Variants in UHRF2 observed in about 807,000 individuals in gnomAD.
UHRF2 encodes E3 ubiquitin-protein ligase UHRF2.
A neutral mutation model predicts 96.8 loss-of-function variants in UHRF2; 23 were observed. The observed-to-expected ratio is 0.24, with a 90% CI of 0.17 to 0.34. The LOEUF is 0.34. Among genes scored for constraint, UHRF2 ranks in the 10% least tolerant of loss-of-function variants. The pLI, the probability that UHRF2 is intolerant of heterozygous loss-of-function variation, is 1.00. For missense variants in UHRF2, 685 were observed against 981.5 expected, an observed-to-expected ratio of 0.70 and a Z score of 4.04; for synonymous variants, 385 against 332.6, an observed-to-expected ratio of 1.16 and a Z score of -1.72.
chr9:6,478,680 G>A (rs777285552), intron 6 of UHRF2, among the ~76,000 whole-genome samples: 6 of 152,154 alleles, frequency 3.9e-5, no homozygotes, highest in Non-Finnish European at 8.8e-5. Flanking sequence ...TAAGTAAGAC[G>A]GACGACTGAG....
At position 6,497,201 on chromosome 9, in the gene UHRF2, A is replaced by G. The variant is rs765542496; in HGVS notation, c.1608A>G (p.Ala536=). ...ADQTLTNMNR[A]LALNCDAPLD... is the part of the protein sequence containing the mutation. ...AGACTTCTTTGTTGTTTTTTAGGGC[A>G]TTGGCCCTAAACTGTGATGCTCCAT... is the stretch of plus-strand genomic sequence containing the variant. Residue 536 remains alanine (A), a synonymous_variant, in exon 11 of 16, where the codon GCA becomes GCG. Transcript: ENST00000276893. 13 of 1,613,082 alleles carry G rather than the reference A, an allele frequency of 8.1e-6. No individual in the cohort carries two copies. The Admixed American group carries it at 8.4e-5, about 10-fold the overall frequency.
chr9:6,484,025 T>G (rs1473297597), intron 8 of UHRF2, among the ~76,000 whole-genome samples: 1 of 151,994 alleles, frequency 6.6e-6, no homozygotes, highest in Admixed American at 6.6e-5. Context: ...GCAGCCACTT[T>G]AAAATTTTAG....
chr9:6,471,869 A>G (rs74729885), intron 4 of UHRF2, among the ~76,000 whole-genome samples: 3,081 of 152,320 alleles, frequency 0.02, 107 homozygotes, highest in African/African-American at 0.071. Flanking sequence ...CAAACTAAGT[A>G]GGACCAGGAG....
At chr9:6,482,328 A>G (rs147942889) in intron 8 of UHRF2, among the ~76,000 whole-genome samples, 4 of 152,290 alleles carry the variant, frequency 2.6e-5, no homozygotes, top group Admixed American at 2.6e-4. Flanking sequence ...GTTCTGTTAT[A>G]GTTGTGGTAG....
intron 1 of UHRF2, chr9:6,414,261 G>A (rs1819460674): frequency 6.6e-6 from 1 of 152,260 alleles, no homozygotes; most frequent in Non-Finnish European, 1.5e-5. Flanking sequence ...TGTCTCGAGG[G>A]AGGTTAGAGA....
At chr9:6,467,389 C>A (rs1483010474) in intron 4 of UHRF2, among the ~76,000 whole-genome samples, 2 of 152,020 alleles carry the variant, frequency 1.3e-5, no homozygotes, top group African/African-American at 2.4e-5. Context: ...TTTTTATATG[C>A]AAAGTCTTTT....
intron 11 of UHRF2, among the ~76,000 whole-genome samples, chr9:6,497,641 G>A (rs1487151330): frequency 6.6e-6 from 1 of 151,778 alleles, no homozygotes; most frequent in African/African-American, 2.4e-5. Flanking sequence ...ACTGGCTGTT[G>A]TATAACTTGA....
At position 6,428,571 on chromosome 9, in the gene UHRF2, T is replaced by G. The variant is rs13283688; in HGVS notation, c.385-5343T>G. ...TTTTTTTTTTTTTTTTTTTTTTTTT[T>G]GAACGATCTCATTCTGTCACTTGGC... On this transcript the variant is annotated intron_variant, in intron 2 of 15. Transcript: ENST00000276893. Among the ~76,000 whole-genome samples, 12 of 94,042 alleles carry G rather than the reference T, an allele frequency of 1.3e-4. No individual in the cohort carries two copies. The South Asian group carries it at 3.9e-3, about 31-fold the overall frequency. The allele number at this position is 94,042 out of a possible 152,430, so 61.7% of individuals were successfully genotyped here.
At chr9:6,446,984 G>A (rs551537356) in intron 3 of UHRF2, among the ~76,000 whole-genome samples, 1 of 152,198 alleles carries the variant, frequency 6.6e-6, no homozygotes, top group Non-Finnish European at 1.5e-5. Context: ...CGCCTCCCGG[G>A]TTCACGCCAT....
At chr9:6,424,846 C>T (rs1820153835) in intron 2 of UHRF2, among the ~76,000 whole-genome samples, 1 of 151,046 alleles carries the variant, frequency 6.6e-6, no homozygotes. Flanking sequence ...GTAAAATCTC[C>T]CCCTGTTAGG....
Position 6,434,190 on chromosome 9 carries a change from T to C in UHRF2, c.644+17T>C. 6.3e-7 allele frequency: 1 copy of C among 1,593,988 alleles called. No homozygotes were observed. The highest frequency in any genetic ancestry group is 1.1e-5 in the South Asian group (1 of 88,672). On this transcript the variant is annotated intron_variant, in intron 3 of 15. Transcript: ENST00000276893. ...GTATGATGAGTAAGTGCTCAAGCTA[T>C]TGAGGACTTTATTCATATTTTCATT... is the stretch of plus-strand genomic sequence containing the variant.
chr9:6,432,129 A>T (rs1315781995), intron 2 of UHRF2, among the ~76,000 whole-genome samples: 1 of 152,216 alleles, frequency 6.6e-6, no homozygotes, highest in Non-Finnish European at 1.5e-5. Flanking sequence ...TGTAATGTAT[A>T]ACATGCTCCA....
intron 3 of UHRF2, among the ~76,000 whole-genome samples, chr9:6,452,028 A>G (rs1201760240): frequency 6.6e-6 from 1 of 152,058 alleles, no homozygotes; most frequent in Non-Finnish European, 1.5e-5. Context: ...ATATATGTGT[A>G]TTTATACATA....
intron 4 of UHRF2, among the ~76,000 whole-genome samples, chr9:6,470,337 T>C (rs985369194): frequency 2.0e-5 from 3 of 147,554 alleles, no homozygotes; most frequent in Non-Finnish European, 4.5e-5. Context: ...CGTGCCTAGG[T>C]GACAGAGCAA....
intron 9 of UHRF2, among the ~76,000 whole-genome samples, chr9:6,487,187 T>TATTTTTA (rs1563799255): frequency 8.0e-6 from 1 of 125,314 alleles, no homozygotes; most frequent in African/African-American, 3.2e-5. Context: ...TTTTCCTTTT[T>TATTTTTA]TTTTTTTTTT....
intron 3 of UHRF2, among the ~76,000 whole-genome samples, chr9:6,456,881 C>T (rs953136688): frequency 1.1e-4 from 17 of 151,948 alleles, no homozygotes; most frequent in African/African-American, 4.1e-4. Context: ...TGTTCAGTTC[C>T]ATTGGTCTAC....
At position 6,506,088 on chromosome 9, in the gene UHRF2, A is replaced by G. The variant is rs1470344739; in HGVS notation, c.2318A>G (p.His773Arg). 2 of 1,614,088 alleles carry G rather than the reference A, an allele frequency of 1.2e-6. No homozygotes were observed. The highest frequency in any genetic ancestry group is 1.7e-5 in the Admixed American group (1 of 60,000). ...AQVFSCPACR[H>R]DLGQNYIMIP... is the part of the protein sequence containing the mutation. ...GTTTTCTCCTGCCCTGCTTGCCGGCATGATCTTGGCCAGAATTACATCATG... is the reference window on the plus strand; with the variant it reads ...GTTTTCTCCTGCCCTGCTTGCCGGCGTGATCTTGGCCAGAATTACATCATG... The change falls in exon 16 of 16, where the codon CAT (histidine) becomes CGT (arginine). Residue 773 changes from histidine to arginine, a missense_variant. Transcript: ENST00000276893.
intron 3 of UHRF2, among the ~76,000 whole-genome samples, chr9:6,438,299 A>G (rs1305605779): frequency 6.6e-6 from 1 of 152,318 alleles, no homozygotes; most frequent in East Asian, 1.9e-4. Flanking sequence ...ATAGATGGGA[A>G]GACTTATTGG....
chr9:6,501,007 A>G (rs1445487832), intron 14 of UHRF2, among the ~76,000 whole-genome samples: 2 of 152,230 alleles, frequency 1.3e-5, no homozygotes, highest in East Asian at 3.8e-4. Flanking sequence ...TAATCTAAAA[A>G]TCACCACGAA....
Sources: gnomAD v4.1 joint callset for allele counts (sites outside exome capture counted in the v4.1 genomes callset) on GRCh38, gnomAD v4.1.1 for gene constraint, MANE v1.5 for transcripts, NCBI Gene and HGNC (gene_info 2026-07-23, HGNC 2026-07-21) for gene names.